The following SIPA1L1 variants were observed in gnomAD, a reference collection of about 807,000 sequenced individuals.
SIPA1L1 encodes signal-induced proliferation-associated 1-like protein 1.
Under a neutral mutation model 162.7 loss-of-function variants are expected in SIPA1L1, and 26 were observed. That is an observed-to-expected ratio of 0.16 (90% CI 0.12 to 0.22). The LOEUF (loss-of-function observed/expected upper bound fraction) is 0.22, where lower values mean the gene tolerates loss of function less well. SIPA1L1 is among the 10% of genes least tolerant of loss of function. SIPA1L1 has a pLI of 1.00. For synonymous variants in SIPA1L1, 829 were observed against 837.4 expected, an observed-to-expected ratio of 0.99 and a Z score of 0.17; for missense variants, 1,874 against 2,241.0, an observed-to-expected ratio of 0.84 and a Z score of 3.31.
At chr14:71,607,443 C>G (rs1243718815) in intron 5 of SIPA1L1, among the ~76,000 whole-genome samples, 3 of 151,986 alleles carry the variant, frequency 2.0e-5, no homozygotes, top group South Asian at 2.1e-4. Context: ...CTTTTGGAGG[C>G]AAGGTGGGAG....
At chr14:71,603,750 A>G (rs996427458) in intron 5 of SIPA1L1, among the ~76,000 whole-genome samples, 3 of 151,720 alleles carry the variant, frequency 2.0e-5, no homozygotes, top group Admixed American at 6.6e-5. Flanking sequence ...GTGAGACCCC[A>G]TCTCTGCTAA....
At position 71,377,130 on chromosome 14, in the gene SIPA1L1, C is replaced by T. The variant is rs2039454896; in HGVS notation, c.-465+55949C>T. Among the ~76,000 whole-genome samples, 1 of 148,670 alleles carries T rather than the reference C, an allele frequency of 6.7e-6. No homozygotes were observed. Among genetic ancestry groups the T allele is most frequent in the Admixed American group, 6.6e-5 (1 of 15,066 alleles). On this transcript the variant is annotated intron_variant, in intron 2 of 23. Transcript: ENST00000381232. The surrounding 1 kb of genome is among the most constrained non-coding windows in gnomAD (Gnocchi z 4.8). ...GCGGCCGGGCAGAGGGGCCCCCCCA[C>T]CCCCCAGATGGGGCGGCCAGGCAGA...
intron 2 of SIPA1L1, among the ~76,000 whole-genome samples, chr14:71,366,851 A>C (rs1223615766): frequency 6.6e-6 from 1 of 152,176 alleles, no homozygotes; most frequent in African/African-American, 2.4e-5. Flanking sequence ...GATTTTTGTA[A>C]AGTATAAAGT....
chr14:71,738,125 A>T (rs372697814), intron 22 of SIPA1L1, 116 bp from the exon 23 acceptor site: 4 of 575,278 alleles, frequency 7.0e-6, no homozygotes, highest in East Asian at 5.8e-5. Flanking sequence ...GTAATTTGAC[A>T]TTGAAAACCA....
At chr14:71,509,635 T>TA (rs2050953589) in intron 2 of SIPA1L1, among the ~76,000 whole-genome samples, 1 of 151,014 alleles carries the variant, frequency 6.6e-6, no homozygotes, top group Non-Finnish European at 1.5e-5. Context: ...TCCCAGCTAC[T>TA]AGGGAGGCTG....
At chr14:71,451,322 G>A (rs954623102) in intron 2 of SIPA1L1, among the ~76,000 whole-genome samples, 2 of 152,020 alleles carry the variant, frequency 1.3e-5, no homozygotes, top group African/African-American at 4.8e-5. Flanking sequence ...TAAATTAATA[G>A]ATAAGTTAAT....
At chr14:71,354,005 T>C (rs1413286568) in intron 2 of SIPA1L1, among the ~76,000 whole-genome samples, 6 of 152,076 alleles carry the variant, frequency 3.9e-5, no homozygotes, top group Non-Finnish European at 8.8e-5. Context: ...AGATCAACCA[T>C]TGAAATTGGA....
At chr14:71,380,677 T>C (rs2039817997) in intron 2 of SIPA1L1, among the ~76,000 whole-genome samples, 1 of 152,198 alleles carries the variant, frequency 6.6e-6, no homozygotes, top group South Asian at 2.1e-4. Context: ...TAGGCCTTGA[T>C]AGAGAGCCAT....
intron 17 of SIPA1L1, among the ~76,000 whole-genome samples, chr14:71,710,531 G>A (rs1282062642): frequency 6.6e-6 from 1 of 152,166 alleles, no homozygotes; most frequent in East Asian, 1.9e-4. Context: ...GTAGAGGCTG[G>A]GCGTGGTGGC....
intron 4 of SIPA1L1, among the ~76,000 whole-genome samples, chr14:71,555,701 C>G (rs2146396058): frequency 6.6e-6 from 1 of 152,258 alleles, no homozygotes; most frequent in African/African-American, 2.4e-5. Context: ...AAATGAGACA[C>G]CTGTGACTCT....
At chr14:71,718,473 A>G (rs1049363593) in intron 17 of SIPA1L1, among the ~76,000 whole-genome samples, 2 of 152,190 alleles carry the variant, frequency 1.3e-5, no homozygotes, top group African/African-American at 4.8e-5. Flanking sequence ...ATCTTATTTA[A>G]CCAGTTATCC....
intron 2 of SIPA1L1, among the ~76,000 whole-genome samples, chr14:71,482,986 CT>C (rs1272024480): frequency 6.6e-6 from 1 of 151,840 alleles, no homozygotes; most frequent in Non-Finnish European, 1.5e-5. Flanking sequence ...TGGTATTCTT[CT>C]TTTTTACGAA....
At chr14:71,629,123 G>C (rs1376587602) in intron 7 of SIPA1L1, among the ~76,000 whole-genome samples, 2 of 152,076 alleles carry the variant, frequency 1.3e-5, no homozygotes, top group Non-Finnish European at 2.9e-5. Context: ...ATTTTTAGTA[G>C]AGACGGGGTT....
At chr14:71,327,806 G>A (rs539318164) in intron 2 of SIPA1L1, among the ~76,000 whole-genome samples, 20 of 152,286 alleles carry the variant, frequency 1.3e-4, no homozygotes, top group Middle Eastern at 3.4e-3. Context: ...GACCTCAGAA[G>A]CTTCTGCCAG....
At chr14:71,711,049 T>G (rs2082842621) in intron 17 of SIPA1L1, among the ~76,000 whole-genome samples, 1 of 152,162 alleles carries the variant, frequency 6.6e-6, no homozygotes, top group East Asian at 1.9e-4. Flanking sequence ...ATTTAAAATG[T>G]CAGGCCCCAT....
At chr14:71,395,560 C>T (rs1468130674) in intron 2 of SIPA1L1, among the ~76,000 whole-genome samples, 1 of 152,132 alleles carries the variant, frequency 6.6e-6, no homozygotes, top group East Asian at 1.9e-4. Flanking sequence ...CTACTGGGGG[C>T]TGAGGTGCGA....
At chr14:71,608,536 C>T (rs562952899) in intron 5 of SIPA1L1, among the ~76,000 whole-genome samples, 28 of 152,082 alleles carry the variant, frequency 1.8e-4, no homozygotes, top group Admixed American at 5.2e-4. Context: ...TAATATGCAA[C>T]TTTTAAACAT....
Position 71,709,631 on chromosome 14 carries a change from C to T in SIPA1L1, c.4175C>T (p.Thr1392Ile). The T allele has an allele frequency of 6.2e-7, 1 of 1,614,054 alleles. No homozygotes were observed. The highest frequency in any genetic ancestry group is 1.3e-5 in the African/African-American group (1 of 75,050). ...GSTPLTRENS[T>I]FSINDAASHT... ...ACCCCTCTGACAAGGGAGAACAGCACCTTCAGTATAAACGATGCTGCTTCC... is the reference window on the plus strand; with the variant it reads ...ACCCCTCTGACAAGGGAGAACAGCATCTTCAGTATAAACGATGCTGCTTCC... The change falls in exon 17 of 24, where the codon ACC becomes ATC. Residue 1392 changes from threonine to isoleucine, a missense_variant. Transcript: ENST00000381232.
At chr14:71,493,306 C>G (rs964045982) in intron 2 of SIPA1L1, among the ~76,000 whole-genome samples, 1 of 151,768 alleles carries the variant, frequency 6.6e-6, no homozygotes, top group African/African-American at 2.4e-5. Context: ...GTTACCCAGG[C>G]TGGTGTTGAA....
Sources: allele counts gnomAD v4.1 joint callset (sites outside exome capture counted in the v4.1 genomes callset), GRCh38; gene constraint gnomAD v4.1.1; non-coding constraint Gnocchi (gnomAD v3.1); transcripts MANE v1.5; gene names NCBI Gene and HGNC (gene_info 2026-07-23, HGNC 2026-07-21).